CRLS1: variants seen among roughly 807,000 people sequenced by gnomAD.
CRLS1 encodes the protein cardiolipin synthase (CMP-forming).
A neutral mutation model predicts 37.0 loss-of-function variants in CRLS1; 24 were observed. The observed-to-expected ratio is 0.65, with a 90% CI of 0.47 to 0.91. The LOEUF is 0.91. Ranked by LOEUF, CRLS1 falls within the 40% of genes least tolerant of loss-of-function variation. The pLI, the probability that CRLS1 is intolerant of heterozygous loss-of-function variation, is 0.00. For synonymous variants in CRLS1, 135 were observed against 159.7 expected (o/e 0.85, Z 1.17); for missense variants, 373 against 395.8 (o/e 0.94, Z 0.49).
At position 6,038,410 on chromosome 20, in the gene CRLS1, A is replaced by G. The variant is rs1980723547; in HGVS notation, c.*1252A>G. 1 of 152,326 alleles carries G rather than the reference A, an allele frequency of 6.6e-6. No individual in the cohort carries two copies. The highest frequency in any genetic ancestry group is 2.4e-5 in the African/African-American group (1 of 41,468). The allele number at this position is 152,326 out of a possible 1,614,324, so 9.4% of individuals were successfully genotyped here. A position where few individuals can be genotyped will look rare whatever the true frequency, so the allele number is the denominator to read the frequency against. ...GAATGGGAGGCTGTAAGTAAAACTC[A>G]TGCCTCTTGGCCAGGCATTCTGCAC... On this transcript the variant is annotated 3_prime_UTR_variant, in exon 7 of 7. Transcript: ENST00000378863.
chr20:6,026,967 A>C (rs1254244898), intron 3 of CRLS1, among the ~76,000 whole-genome samples: 1 of 152,154 alleles, frequency 6.6e-6, no homozygotes, highest in African/African-American at 2.4e-5. Context: ...GGGTAATGTG[A>C]TCTCTGTCAC....
intron 3 of CRLS1, among the ~76,000 whole-genome samples, chr20:6,023,815 A>T (rs1479838847): frequency 1.3e-5 from 2 of 151,578 alleles, no homozygotes; most frequent in Non-Finnish European, 2.9e-5. Context: ...ACATGCACAT[A>T]CCTCATTTTT....
chr20:6,019,635 T>C (rs1979065693), intron 3 of CRLS1, among the ~76,000 whole-genome samples: 1 of 151,652 alleles, frequency 6.6e-6, no homozygotes, highest in South Asian at 2.1e-4. Flanking sequence ...TCATTACATC[T>C]TGTAGTTTTA....
chr20:6,010,277 G>C (rs1488946779), intron 2 of CRLS1, among the ~76,000 whole-genome samples: 2 of 152,128 alleles, frequency 1.3e-5, no homozygotes, highest in Admixed American at 6.5e-5. Context: ...GTGGTAAAGA[G>C]GAATACTCAG....
chr20:6,031,179 G>A, intron 3 of CRLS1, 106 bp from the exon 4 acceptor site: 1 of 668,534 alleles, frequency 1.5e-6, no homozygotes. Flanking sequence ...TTCTATTTGT[G>A]AAAACAGCAG....
At chr20:6,015,202 C>A (rs184880882) in intron 2 of CRLS1, among the ~76,000 whole-genome samples, 159 bp from the exon 3 acceptor site, 320 of 151,992 alleles carry the variant, frequency 2.1e-3, no homozygotes, top group Non-Finnish European at 3.6e-3. Flanking sequence ...AAATGTATAC[C>A]AGCAAAAGAA....
At chr20:6,009,165 A>T (rs554415569) in intron 1 of CRLS1, among the ~76,000 whole-genome samples, 13 of 152,268 alleles carry the variant, frequency 8.5e-5, no homozygotes, top group Admixed American at 2.0e-4. Flanking sequence ...TCTACTAAAA[A>T]TACAAAAATT....
At position 6,037,067 on chromosome 20, in the gene CRLS1, A is replaced by G. The variant is rs1980608929; in HGVS notation, c.822-7A>G. 6.2e-7 allele frequency: 1 copy of G among 1,605,462 alleles called. No homozygotes were observed. Among genetic ancestry groups the G allele is most frequent in the Non-Finnish European group, 8.5e-7 (1 of 1,173,790 alleles). ...AACTACATTTTATTTCTTTTCTTCC[A>G]TAAAAGGTGTTTTACAGCTTTCACC... On this transcript the variant is annotated splice_region_variant and splice_polypyrimidine_tract_variant and intron_variant, in intron 6 of 6. Coordinates refer to ENST00000378863, the MANE Select transcript of CRLS1 (RefSeq NM_019095.6).
chr20:6,033,116 ATTTAAT>A (rs886342346), intron 5 of CRLS1, among the ~76,000 whole-genome samples: 4 of 145,186 alleles, frequency 2.8e-5, no homozygotes, highest in African/African-American at 1.1e-4. Context: ...TTTTAATTTA[ATTTAAT>A]TTTATTTTAT....
intron 3 of CRLS1, among the ~76,000 whole-genome samples, chr20:6,023,011 TC>T (rs1383670091): frequency 2.0e-5 from 3 of 152,220 alleles, no homozygotes; most frequent in Non-Finnish European, 4.4e-5. Context: ...TCATTACCTG[TC>T]TCTGTAGCTG....
Position 6,017,551 on chromosome 20 carries a change from GC to G in CRLS1, c.574+2062del, listed in dbSNP as rs1420201421. ...TTGTTTGTCTGTCTTTGCATCAGTG[GC>G]ATTCTTCTTATTGCTTTGCTAAAAG... On this transcript the variant is annotated intron_variant, in intron 3 of 6. Transcript: ENST00000378863. Among the ~76,000 whole-genome samples, 3 of 152,236 alleles carry G rather than the reference GC, an allele frequency of 2.0e-5. No homozygotes were observed. The East Asian group carries it at 5.8e-4, about 29-fold the overall frequency.
chr20:6,038,552 G>A lies in CRLS1; in HGVS notation c.*1394G>A, dbSNP rs538245299. The A allele has an allele frequency of 6.6e-6, 1 of 152,482 alleles. No individual in the cohort carries two copies. Among genetic ancestry groups the A allele is most frequent in the South Asian group, 2.1e-4 (1 of 4,828 alleles). 9.4% of individuals were successfully genotyped at this position (152,482 alleles called of 1,614,324 possible). On this transcript the variant is annotated 3_prime_UTR_variant, in exon 7 of 7. Transcript: ENST00000378863. ...AGGGACACCGCCATTGAATCAGATG[G>A]AGGGGGATGAAAAAGCAGAGAAGGG...
chr20:6,019,838 A>G (rs1001186423), intron 3 of CRLS1, among the ~76,000 whole-genome samples: 3 of 150,270 alleles, frequency 2.0e-5, no homozygotes, highest in East Asian at 3.9e-4. Context: ...GTTTTTTTGT[A>G]TTTTTAGTAG....
chr20:6,007,394 G>A (rs375662415), intron 1 of CRLS1: 134 of 1,613,502 alleles, frequency 8.3e-5, no homozygotes, highest in Non-Finnish European at 1.1e-4. Flanking sequence ...GGCAGTAGTT[G>A]GTCGAGTATG....
intron 3 of CRLS1, among the ~76,000 whole-genome samples, chr20:6,029,654 G>T (rs986157527): frequency 1.4e-4 from 22 of 152,168 alleles, no homozygotes; most frequent in South Asian, 4.1e-4. Context: ...CCACCGTGCA[G>T]GTTTGCTGCA....
At position 6,019,691 on chromosome 20, in the gene CRLS1, CTTTT is replaced by C. The variant is rs146083457; in HGVS notation, c.574+4217_574+4220del. Among the ~76,000 whole-genome samples, 49 of 120,226 alleles carry C rather than the reference CTTTT, an allele frequency of 4.1e-4. 5 individuals are homozygous for C. Among genetic ancestry groups the C allele is most frequent in the Non-Finnish European group, 4.1e-4 (24 of 58,996 alleles). The allele number at this position is 120,226 out of a possible 152,430, so 78.9% of individuals were successfully genotyped here. A position where few individuals can be genotyped will look rare whatever the true frequency, so the allele number is the denominator to read the frequency against. Reference sequence around the variant, plus strand: ...TTCTTTGCTGTTCTTTTTCGAAATTCTTTTTTTTTTTTTTTTTTTGAGTGCAGTG... The same window carrying C: ...TTCTTTGCTGTTCTTTTTCGAAATTCTTTTTTTTTTTTTTTGAGTGCAGTG... On this transcript the variant is annotated intron_variant, in intron 3 of 6. Transcript: ENST00000378863.
chr20:6,037,161 A>G lies in CRLS1; in HGVS notation c.*3A>G, dbSNP rs1980619375. The G allele has an allele frequency of 6.2e-7, 1 of 1,606,514 alleles. No individual in the cohort carries two copies. The highest frequency in any genetic ancestry group is 8.5e-7 in the Non-Finnish European group (1 of 1,173,420). ...CTGTTCAGGTGATAAAAGACTGATG[A>G]AAGTCATCCCTCACTGTTAGTAAGG... On this transcript the variant is annotated 3_prime_UTR_variant, in exon 7 of 7. Coordinates refer to ENST00000378863, the MANE Select transcript of CRLS1 (RefSeq NM_019095.6).
At chr20:6,008,658 A>G (rs185836449) in intron 1 of CRLS1, among the ~76,000 whole-genome samples, 1 of 152,330 alleles carries the variant, frequency 6.6e-6, no homozygotes, top group Admixed American at 6.5e-5. Context: ...CACAATCCCT[A>G]TTCCTATCTC....
intron 3 of CRLS1, among the ~76,000 whole-genome samples, chr20:6,027,233 A>G (rs1979781208): frequency 6.6e-6 from 1 of 151,712 alleles, no homozygotes; most frequent in Non-Finnish European, 1.5e-5. Context: ...ACAGCCACCC[A>G]CCACCATGCC....
Sources: allele counts gnomAD v4.1 joint callset (sites outside exome capture counted in the v4.1 genomes callset), GRCh38; gene constraint gnomAD v4.1.1; transcripts MANE v1.5; gene names NCBI Gene and HGNC (gene_info 2026-07-23, HGNC 2026-07-21).